PLCB4: variants seen among roughly 807,000 people sequenced by gnomAD.
PLCB4 encodes the protein 1-phosphatidylinositol 4,5-bisphosphate phosphodiesterase beta-4.
Under a neutral mutation model 178.8 loss-of-function variants are expected in PLCB4, and 77 were observed. The ratio of observed to expected loss-of-function variants is 0.43; its 90% CI spans 0.36 to 0.52. PLCB4 has a LOEUF of 0.52. Ranked by LOEUF, PLCB4 falls within the 20% of genes least tolerant of loss-of-function variation. The probability of loss-of-function intolerance (pLI) is 0.00; values close to 1 mark genes in which losing one functional copy is unlikely to be tolerated. For missense variants in PLCB4, 1,024 were observed against 1,453.4 expected, an observed-to-expected ratio of 0.70 and a Z score of 4.80; for synonymous variants, 496 against 490.8, an observed-to-expected ratio of 1.01 and a Z score of -0.14.
chr20:9,389,296 C>T (rs1002925745), intron 15 of PLCB4, among the ~76,000 whole-genome samples: 4 of 152,074 alleles, frequency 2.6e-5, no homozygotes, highest in Non-Finnish European at 5.9e-5. Flanking sequence ...GCTTGACCAA[C>T]GAGAACCCCT....
At chr20:9,115,137 T>C (rs1372990208) in intron 2 of PLCB4, among the ~76,000 whole-genome samples, 1 of 152,176 alleles carries the variant, frequency 6.6e-6, no homozygotes, top group Non-Finnish European at 1.5e-5. Flanking sequence ...CTTATTTTAA[T>C]AAGTAAACCT....
chr20:9,118,377 G>T (rs949248387), intron 2 of PLCB4, among the ~76,000 whole-genome samples: 3 of 145,596 alleles, frequency 2.1e-5, no homozygotes, highest in African/African-American at 7.6e-5. Context: ...TATAAACAAA[G>T]AATTTAATAA....
chr20:9,166,868 A>G (rs1416574734), intron 2 of PLCB4, among the ~76,000 whole-genome samples: 1 of 152,116 alleles, frequency 6.6e-6, no homozygotes, highest in Non-Finnish European at 1.5e-5. Flanking sequence ...AAAATACTAT[A>G]TTGCTTAGAG....
chr20:9,313,864 T>C (rs2094866723), intron 4 of PLCB4, among the ~76,000 whole-genome samples: 1 of 152,146 alleles, frequency 6.6e-6, no homozygotes, highest in Non-Finnish European at 1.5e-5. Flanking sequence ...ACCCCTCCAC[T>C]TTCTTCCACT....
At chr20:9,428,193 GT>G (rs1317961767) in intron 28 of PLCB4, among the ~76,000 whole-genome samples, 3 of 152,268 alleles carry the variant, frequency 2.0e-5, no homozygotes, top group Admixed American at 6.5e-5. Context: ...TCCTGATGCA[GT>G]TTAAACTTGT....
chr20:9,186,116 GA>G (rs1701725354), intron 2 of PLCB4, among the ~76,000 whole-genome samples: 2 of 152,158 alleles, frequency 1.3e-5, no homozygotes, highest in Admixed American at 6.5e-5. Context: ...AATATTTGCT[GA>G]ATAAATGAAC....
chr20:9,448,454 G>A (rs915808681), intron 32 of PLCB4, among the ~76,000 whole-genome samples: 1 of 152,078 alleles, frequency 6.6e-6, no homozygotes, highest in Non-Finnish European at 1.5e-5. Context: ...CTATTATTTA[G>A]TCTATATCCA....
chr20:9,266,378 A>C (rs2094349274), intron 3 of PLCB4, among the ~76,000 whole-genome samples: 1 of 152,236 alleles, frequency 6.6e-6, no homozygotes, highest in African/African-American at 2.4e-5. Context: ...TGTTAAGACC[A>C]TAATGTCAGC....
At chr20:9,321,422 A>G (rs2094957076) in intron 4 of PLCB4, among the ~76,000 whole-genome samples, 1 of 152,208 alleles carries the variant, frequency 6.6e-6, no homozygotes, top group Non-Finnish European at 1.5e-5. Context: ...AAGTCTTTCT[A>G]AAGTTCATTA....
chr20:9,349,412 G>T (rs752945903), intron 7 of PLCB4, among the ~76,000 whole-genome samples: 6 of 152,040 alleles, frequency 3.9e-5, no homozygotes, highest in Non-Finnish European at 8.8e-5. Context: ...TTTATTATAT[G>T]AATTTTCCTG....
chr20:9,393,796 A>C, intron 18 of PLCB4, 118 bp downstream of exon 18: 4 of 592,368 alleles, frequency 6.8e-6, no homozygotes, highest in Admixed American at 3.0e-5. Context: ...TGTAGGGGTG[A>C]TGTTACAGGT....
At chr20:9,380,440 A>G (rs1244048428) in intron 13 of PLCB4, among the ~76,000 whole-genome samples, 1 of 152,206 alleles carries the variant, frequency 6.6e-6, no homozygotes, top group Non-Finnish European at 1.5e-5. Flanking sequence ...AGTATTGCAT[A>G]TTGCTTGAAA....
chr20:9,393,476 T>C, intron 17 of PLCB4, 112 bp from the exon 18 acceptor site: 1 of 655,058 alleles, frequency 1.5e-6, no homozygotes, highest in East Asian at 2.6e-5. Flanking sequence ...GCCTGCCATC[T>C]AGTGGGTGTT....
Position 9,325,879 on chromosome 20 carries a change from C to T in PLCB4, c.85-11247C>T, listed in dbSNP as rs563091188. Among the ~76,000 whole-genome samples, 136 of 152,288 alleles carry T rather than the reference C, an allele frequency of 8.9e-4. 2 individuals are homozygous for T. Among genetic ancestry groups the T allele is most frequent in the Non-Finnish European group, 1.2e-4 (8 of 68,016 alleles). The stretch of plus-strand genomic sequence containing the variant: ...CTGCTATAACAAAATACCATACACT[C>T]GGCAGCTATAAACAACACATTTATC... On this transcript the variant is annotated intron_variant, in intron 4 of 39. Coordinates refer to ENST00000378473, the MANE Select transcript of PLCB4 (RefSeq NM_001377142.1).
intron 2 of PLCB4, among the ~76,000 whole-genome samples, chr20:9,174,765 A>G (rs536520882): frequency 5.9e-5 from 9 of 152,218 alleles, no homozygotes. Flanking sequence ...TGAACTTATG[A>G]CTGTCATTTA....
intron 2 of PLCB4, among the ~76,000 whole-genome samples, chr20:9,098,900 CCTAA>C (rs1479824307): frequency 3.3e-5 from 5 of 149,786 alleles, no homozygotes; most frequent in Non-Finnish European, 7.4e-5. Context: ...AGACTGTGCT[CCTAA>C]CTGTCTGGCG....
At chr20:9,399,146 T>G (rs568687687) in intron 19 of PLCB4, among the ~76,000 whole-genome samples, 1 of 152,360 alleles carries the variant, frequency 6.6e-6, no homozygotes, top group South Asian at 2.1e-4. Flanking sequence ...ATATGGTAAT[T>G]ATTCCTCCAG....
At position 9,423,902 on chromosome 20, in the gene PLCB4, C is replaced by A; in HGVS notation, c.2474C>A (p.Thr825Lys). Residue 825 changes from threonine (T) to lysine (K), a missense_variant, in exon 28 of 40, where the codon ACA becomes AAA. Transcript: ENST00000378473. ...GGAAATAAACCATTATCACTACCAA[C>A]AATTTTCTGCAATATTGTTCTTAAA... Reference protein sequence around the residue: ...NEGNKPLSLPTIFCNIVLKTY... With the variant: ...NEGNKPLSLPKIFCNIVLKTY... 6.2e-7 allele frequency: 1 copy of A among 1,613,324 alleles called. No homozygotes were observed. The highest frequency in any genetic ancestry group is 8.5e-7 in the Non-Finnish European group (1 of 1,179,328).
chr20:9,363,855 A>C lies in PLCB4; in HGVS notation c.449+880A>C, dbSNP rs145574775. Among the ~76,000 whole-genome samples the C allele has an allele frequency of 3.4e-3, 516 of 152,326 alleles. 2 individuals are homozygous for C. The highest frequency in any genetic ancestry group is 5.7e-3 in the Non-Finnish European group (388 of 68,034). On this transcript the variant is annotated intron_variant, in intron 8 of 39. Transcript: ENST00000378473. Reference sequence around the variant, plus strand: ...ACCAAGAGTGTGATTCATCATACTCACTTGGCAATGGGCCAAGAGGTTAGT... The same window carrying C: ...ACCAAGAGTGTGATTCATCATACTCCCTTGGCAATGGGCCAAGAGGTTAGT...
Sources: gnomAD v4.1 joint callset for allele counts (sites outside exome capture counted in the v4.1 genomes callset) on GRCh38, gnomAD v4.1.1 for gene constraint, MANE v1.5 for transcripts, NCBI Gene and HGNC (gene_info 2026-07-23, HGNC 2026-07-21) for gene names.